ARFGEF1: variants seen among roughly 807,000 people sequenced by gnomAD.
ARFGEF1 encodes ARF guanine nucleotide exchange factor 1, also known as brefeldin A-inhibited guanine nucleotide-exchange protein 1.
ARFGEF1 carries 42 observed loss-of-function variants against 231.0 expected under a neutral mutation model. The ratio of observed to expected loss-of-function variants is 0.18; its 90% CI spans 0.14 to 0.24. The LOEUF (loss-of-function observed/expected upper bound fraction) is 0.24, where lower values mean the gene tolerates loss of function less well. Ranked by LOEUF, ARFGEF1 falls within the 10% of genes least tolerant of loss-of-function variation. ARFGEF1 has a pLI of 1.00. For missense variants in ARFGEF1, 1,345 were observed against 2,192.0 expected (o/e 0.61, Z 7.72); for synonymous variants, 710 against 732.3 (o/e 0.97, Z 0.49).
At chr8:67,311,174 G>T (rs1807015827) in intron 1 of ARFGEF1, among the ~76,000 whole-genome samples, 1 of 145,272 alleles carries the variant, frequency 6.9e-6, no homozygotes, top group Non-Finnish European at 1.5e-5. Flanking sequence ...CCTCTGCCCG[G>T]CCGCCCCCAC....
intron 34 of ARFGEF1, among the ~76,000 whole-genome samples, chr8:67,205,409 CA>C (rs548750611): frequency 8.3e-4 from 126 of 152,258 alleles, no homozygotes; most frequent in Middle Eastern, 6.8e-3. Context: ...TCAGGGAAGC[CA>C]AAAGACTGGA....
At chr8:67,208,920 T>C (rs924918919) in intron 34 of ARFGEF1, among the ~76,000 whole-genome samples, 10 of 152,166 alleles carry the variant, frequency 6.6e-5, no homozygotes, top group African/African-American at 2.4e-4. Flanking sequence ...CCCACTAGAA[T>C]GGTTATCATT....
chr8:67,195,844 T>C (rs1209227204), downstream of ARFGEF1: 2 of 442,112 alleles, frequency 4.5e-6, no homozygotes, highest in Non-Finnish European at 8.2e-6. Context: ...ATGAACTGGA[T>C]TGAACTACTA....
intron 1 of ARFGEF1, among the ~76,000 whole-genome samples, chr8:67,328,883 G>T (rs1233954154): frequency 6.6e-6 from 1 of 152,082 alleles, no homozygotes; most frequent in Non-Finnish European, 1.5e-5. Flanking sequence ...GGAAATTAAC[G>T]TAAATGGGTC....
At chr8:67,310,359 G>A (rs1189331418) in intron 1 of ARFGEF1, among the ~76,000 whole-genome samples, 12 of 152,178 alleles carry the variant, frequency 7.9e-5, no homozygotes, top group Non-Finnish European at 7.4e-5. Flanking sequence ...TCAGCCTCCC[G>A]AGGTGCCAGG....
intron 16 of ARFGEF1, 80 bp from the exon 17 acceptor site, chr8:67,257,896 A>G: frequency 7.7e-7 from 1 of 1,301,200 alleles, no homozygotes. Flanking sequence ...CAAATCCCAT[A>G]GCACTTTTAT....
Position 67,217,381 on chromosome 8 carries a change from C to T in ARFGEF1, c.4613+401G>A, listed in dbSNP as rs115932992. ...CTTAGAGAAAGATGACAAGCTGTTACGAAATACGAAATATAGTATGTGTAA... is the reference window on the plus strand; with the variant it reads ...CTTAGAGAAAGATGACAAGCTGTTATGAAATACGAAATATAGTATGTGTAA... On this transcript the variant is annotated intron_variant, in intron 32 of 38. Coordinates refer to ENST00000262215, the MANE Select transcript of ARFGEF1 (RefSeq NM_006421.5). Among the ~76,000 whole-genome samples, 788 of 149,656 alleles carry T rather than the reference C, an allele frequency of 5.3e-3. 2 individuals are homozygous for T. Among genetic ancestry groups the T allele is most frequent in the Middle Eastern group, 0.011 (3 of 280 alleles).
At chr8:67,328,376 G>GT (rs1433149643) in intron 1 of ARFGEF1, among the ~76,000 whole-genome samples, 20 of 152,062 alleles carry the variant, frequency 1.3e-4, no homozygotes, top group Admixed American at 1.3e-3. Context: ...ACTGAGATTT[G>GT]TAAGTCTTTT....
intron 5 of ARFGEF1, among the ~76,000 whole-genome samples, chr8:67,176,536 A>G (rs768843317): frequency 5.3e-5 from 8 of 152,178 alleles, no homozygotes; most frequent in African/African-American, 7.2e-5. Flanking sequence ...AGCAGTAGGT[A>G]TATCATCTGG....
At chr8:67,266,845 C>G (rs1357415435) in intron 13 of ARFGEF1, 31 bp downstream of exon 13, 1 of 1,561,630 alleles carries the variant, frequency 6.4e-7, no homozygotes, top group East Asian at 2.3e-5. Flanking sequence ...CTTAAAATGA[C>G]AAAGAATTAC....
At chr8:67,282,086 T>C (rs961904536) in intron 7 of ARFGEF1, among the ~76,000 whole-genome samples, 1 of 152,066 alleles carries the variant, frequency 6.6e-6, no homozygotes, top group African/African-American at 2.4e-5. Flanking sequence ...CCTAACAACA[T>C]ACATTTAATA....
chr8:67,241,773 G>C (rs774397791), intron 19 of ARFGEF1, among the ~76,000 whole-genome samples: 1 of 152,080 alleles, frequency 6.6e-6, no homozygotes, highest in Non-Finnish European at 1.5e-5. Context: ...ACTCACAGTA[G>C]CTGGTTTTAA....
intron 1 of ARFGEF1, among the ~76,000 whole-genome samples, chr8:67,337,386 C>G (rs1031886394): frequency 3.3e-5 from 5 of 152,082 alleles, no homozygotes; most frequent in Non-Finnish European, 7.3e-5. Flanking sequence ...GATGCCATCC[C>G]CTCTGTTAAC....
At chr8:67,217,045 C>A (rs1838960773) in intron 32 of ARFGEF1, among the ~76,000 whole-genome samples, 1 of 151,888 alleles carries the variant, frequency 6.6e-6, no homozygotes, top group South Asian at 2.1e-4. Context: ...TGGCTCACGC[C>A]TGTAATCCCA....
rs894617295 is a variant in ARFGEF1 at position 67,300,906 on chromosome 8, T to C, written c.312+318A>G. On this transcript the variant is annotated intron_variant, in intron 3 of 38. Coordinates refer to ENST00000262215, the MANE Select transcript of ARFGEF1 (RefSeq NM_006421.5). ...AAAATTATTTGCAAATGGTGATGTA[T>C]GTAAAGTCGGCAGCAGGTTAAAAGT... Among the ~76,000 whole-genome samples the C allele has an allele frequency of 1.8e-4, 27 of 151,454 alleles. 1 individual carries two copies. In the South Asian group the frequency reaches 4.2e-3, roughly 23 times the overall value.
intron 10 of ARFGEF1, among the ~76,000 whole-genome samples, chr8:67,270,193 ATTATC>A (rs1165950495): frequency 6.6e-6 from 1 of 152,204 alleles, no homozygotes; most frequent in Non-Finnish European, 1.5e-5. Flanking sequence ...AACGCCTTGT[ATTATC>A]TTAACAGACA....
At chr8:67,222,196 T>TACACAC (rs1456002196) in intron 29 of ARFGEF1, among the ~76,000 whole-genome samples, 2 of 141,232 alleles carry the variant, frequency 1.4e-5, no homozygotes, top group African/African-American at 5.4e-5. Flanking sequence ...TATATATATA[T>TACACAC]ATATATATAC....
downstream of ARFGEF1, among the ~76,000 whole-genome samples, chr8:67,195,046 C>G (rs868049363): frequency 6.6e-6 from 1 of 152,122 alleles, no homozygotes; most frequent in African/African-American, 2.4e-5. Flanking sequence ...GTAACAGTTA[C>G]AAAATAAGAC....
chr8:67,301,899 C>A (rs1034850748), intron 2 of ARFGEF1, among the ~76,000 whole-genome samples: 4 of 152,098 alleles, frequency 2.6e-5, no homozygotes, highest in Middle Eastern at 3.2e-3. Context: ...ATATGAGAAT[C>A]TTTTTGTATT....
Sources: gnomAD v4.1 joint callset for allele counts (sites outside exome capture counted in the v4.1 genomes callset) on GRCh38, gnomAD v4.1.1 for gene constraint, MANE v1.5 for transcripts, NCBI Gene and HGNC (gene_info 2026-07-23, HGNC 2026-07-21) for gene names.